Variants in USP24 observed in about 807,000 individuals in gnomAD.
USP24 encodes ubiquitin specific peptidase 24.
USP24 carries 97 observed loss-of-function variants against 361.6 expected under a neutral mutation model. The observed-to-expected ratio is 0.27, with a 90% CI of 0.23 to 0.32. The LOEUF is 0.32. USP24 is among the 10% of genes least tolerant of loss of function. The pLI is 1.00. For synonymous variants in USP24, 1,098 were observed against 1,124.6 expected, an observed-to-expected ratio of 0.98 and a Z score of 0.47; for missense variants, 2,353 against 3,165.6, an observed-to-expected ratio of 0.74 and a Z score of 6.16.
At chr1:55,119,079 C>T (rs1646203298) in intron 38 of USP24, among the ~76,000 whole-genome samples, 1 of 152,132 alleles carries the variant, frequency 6.6e-6, no homozygotes, top group Non-Finnish European at 1.5e-5. Flanking sequence ...GGTATACACC[C>T]TAAAGAACTG....
At chr1:55,152,906 T>C (rs1037988544) in intron 16 of USP24, among the ~76,000 whole-genome samples, 1 of 152,180 alleles carries the variant, frequency 6.6e-6, no homozygotes, top group African/African-American at 2.4e-5. Context: ...TCTCTTAATA[T>C]ACCAATGAAA....
At chr1:55,134,990 G>A (rs1317268193) in intron 28 of USP24, among the ~76,000 whole-genome samples, 1 of 152,118 alleles carries the variant, frequency 6.6e-6, no homozygotes, top group Non-Finnish European at 1.5e-5. Flanking sequence ...ATTACACAAC[G>A]TATTTACAAG....
intron 1 of USP24, among the ~76,000 whole-genome samples, chr1:55,192,979 A>C (rs1156451352): frequency 1.3e-5 from 2 of 152,174 alleles, no homozygotes; most frequent in Non-Finnish European, 2.9e-5. Context: ...CTCCACACCC[A>C]TGGGTTCAAC....
intron 32 of USP24, among the ~76,000 whole-genome samples, chr1:55,129,122 C>T (rs1646521038): frequency 6.6e-6 from 1 of 152,100 alleles, no homozygotes; most frequent in African/African-American, 2.4e-5. Context: ...ATCTTTGCAT[C>T]CCCAGCACTA....
At chr1:55,172,633 T>C in intron 3 of USP24, 113 bp from the exon 4 acceptor site, 3 of 1,158,822 alleles carry the variant, frequency 2.6e-6, no homozygotes, top group South Asian at 2.1e-5. Context: ...TACTTTTTTA[T>C]GTAGATGATT....
intron 3 of USP24, 76 bp from the exon 4 acceptor site, chr1:55,172,596 C>G (rs971279051): frequency 7.0e-6 from 10 of 1,434,656 alleles, no homozygotes; most frequent in Non-Finnish European, 9.3e-6. Flanking sequence ...AAGTCCATCT[C>G]AAATAAGTGA....
chr1:55,093,739 A>G, intron 52 of USP24, 198 bp downstream of exon 52: 1 of 591,474 alleles, frequency 1.7e-6, no homozygotes, highest in Non-Finnish European at 2.8e-6. Flanking sequence ...GTGTATTCAT[A>G]CTTGTGTTCT....
chr1:55,198,631 G>C (rs554361047), intron 1 of USP24, among the ~76,000 whole-genome samples: 1 of 152,230 alleles, frequency 6.6e-6, no homozygotes, highest in East Asian at 1.9e-4. Flanking sequence ...AATGCCTCCG[G>C]GGTGGGATGA....
chr1:55,072,257 A>G, intron 66 of USP24, 60 bp downstream of exon 66: 1 of 1,448,636 alleles, frequency 6.9e-7, no homozygotes, highest in Non-Finnish European at 9.6e-7. Flanking sequence ...TTTCTGAGAA[A>G]CACACTGAAA....
At position 55,099,797 on chromosome 1, in the gene USP24, T is replaced by C. The variant is rs1426630544; in HGVS notation, c.5344A>G (p.Ile1782Val). 1.9e-6 allele frequency: 3 copies of C among 1,558,702 alleles called. No homozygotes were observed. The highest frequency in any genetic ancestry group is 2.7e-5 in the African/African-American group (2 of 73,562). ...TTGAGGTATTCATCCATCTGATCAA[T>C]GAGACTAGTAAAGAATTCATATGCA... ...QDAYEFFTSL[I>V]DQMDEYLKKM... is the part of the protein sequence containing the mutation. Residue 1782 changes from isoleucine (I) to valine (V), a missense_variant, in exon 45 of 68, where the codon ATT becomes GTT. By Grantham distance (29) the Ile-to-Val change is conservative. Transcript: ENST00000294383.
rs1557618776 is a variant in USP24 at position 55,137,624 on chromosome 1, G to A, written c.3092C>T (p.Thr1031Ile). 1 of 1,613,258 alleles carries A rather than the reference G, an allele frequency of 6.2e-7. No homozygotes were observed. Among genetic ancestry groups the A allele is most frequent in the Non-Finnish European group, 8.5e-7 (1 of 1,179,562 alleles). Residue 1031 changes from threonine to isoleucine, a missense_variant, in exon 28 of 68, where the codon ACA becomes ATA. Transcript: ENST00000294383. ...GGTCCCACTGCCAGAAGTCTTCACT[G>A]TAAGGATTTGTTCATCAGAAAAGCC... ...QLGFSDEQIL[T>I]VKTSGSGTPS...
At chr1:55,206,657 T>TG (rs113069542) in intron 1 of USP24, among the ~76,000 whole-genome samples, 1 of 130,496 alleles carries the variant, frequency 7.7e-6, no homozygotes, top group Non-Finnish European at 1.6e-5. Flanking sequence ...AGAAAAACAG[T>TG]AAAAAAAAAA....
At chr1:55,209,108 T>C (rs1465808926) in intron 1 of USP24, among the ~76,000 whole-genome samples, 1 of 150,162 alleles carries the variant, frequency 6.7e-6, no homozygotes, top group Admixed American at 6.7e-5. Flanking sequence ...TAAAACTCCC[T>C]AGAAAAAAAA....
chr1:55,197,683 T>C (rs749138725), intron 1 of USP24, among the ~76,000 whole-genome samples: 6 of 152,228 alleles, frequency 3.9e-5, no homozygotes, highest in Non-Finnish European at 7.3e-5. Flanking sequence ...AATTCTCTAT[T>C]GTATCTCCAA....
chr1:55,069,229 G>T, intron 67 of USP24, 122 bp from the exon 68 acceptor site: 2 of 860,668 alleles, frequency 2.3e-6, no homozygotes, highest in Non-Finnish European at 3.7e-6. Flanking sequence ...TTATCAAAGG[G>T]TAATAAAATG....
intron 16 of USP24, among the ~76,000 whole-genome samples, chr1:55,152,763 C>G (rs1647254645): frequency 6.6e-6 from 1 of 152,116 alleles, no homozygotes; most frequent in South Asian, 2.1e-4. Context: ...ATTTCTAAAG[C>G]TGGGTTACAT....
At chr1:55,199,886 C>T (rs1427928680) in intron 1 of USP24, among the ~76,000 whole-genome samples, 1 of 152,040 alleles carries the variant, frequency 6.6e-6, no homozygotes, top group African/African-American at 2.4e-5. Context: ...TTCCACGTGG[C>T]TGGGGAAGCC....
intron 1 of USP24, among the ~76,000 whole-genome samples, chr1:55,211,253 C>T (rs1283537801): frequency 6.6e-6 from 1 of 152,170 alleles, no homozygotes; most frequent in African/African-American, 2.4e-5. Flanking sequence ...TGAGAGCTCA[C>T]TCTCTTTAAT....
chr1:55,074,669 AATAAAT>A (rs1367655039), intron 63 of USP24, among the ~76,000 whole-genome samples: 269 of 150,328 alleles, frequency 1.8e-3, no homozygotes, highest in African/African-American at 6.4e-3. Flanking sequence ...TAAATAAATA[AATAAAT>A]AAATAAAAAT....
Sources: gnomAD v4.1 joint callset for allele counts (sites outside exome capture counted in the v4.1 genomes callset) on GRCh38, gnomAD v4.1.1 for gene constraint, MANE v1.5 for transcripts, NCBI Gene and HGNC (gene_info 2026-07-23, HGNC 2026-07-21) for gene names.